Variants in REG4 observed in about 807,000 individuals in gnomAD.
REG4 encodes regenerating islet-derived protein 4.
Under a neutral mutation model 22.3 loss-of-function variants are expected in REG4, and 16 were observed. The observed-to-expected ratio is 0.72, with a 90% CI of 0.49 to 1.09. The LOEUF (loss-of-function observed/expected upper bound fraction) is 1.09. Ranked by LOEUF, REG4 falls within the 50% of genes least tolerant of loss-of-function variation. REG4 has a pLI of 0.00. For synonymous variants in REG4, 71 were observed against 69.2 expected, an observed-to-expected ratio of 1.03 and a Z score of -0.13; for missense variants, 214 against 193.9, an observed-to-expected ratio of 1.10 and a Z score of -0.61.
intron 3 of REG4, chr1:119,801,164 T>C (rs1214215494): frequency 6.6e-6 from 1 of 152,218 alleles, no homozygotes; most frequent in Non-Finnish European, 1.5e-5. Flanking sequence ...GGCAAATGTT[T>C]ATATATATGG....
At chr1:119,795,320 T>C (rs1057054819) in intron 5 of REG4, among the ~76,000 whole-genome samples, 1 of 152,160 alleles carries the variant, frequency 6.6e-6, no homozygotes, top group South Asian at 2.1e-4. Context: ...TGAGGCAGGA[T>C]GCAGTGAGGA....
intron 5 of REG4, among the ~76,000 whole-genome samples, chr1:119,796,464 T>G (rs1465233462): frequency 6.6e-6 from 1 of 152,184 alleles, no homozygotes; most frequent in Non-Finnish European, 1.5e-5. Context: ...TGCTCTGGAA[T>G]TCTTTCTAAA....
intron 3 of REG4, among the ~76,000 whole-genome samples, chr1:119,800,468 C>T (rs1334214377): frequency 6.6e-6 from 1 of 152,150 alleles, no homozygotes; most frequent in African/African-American, 2.4e-5. Context: ...ACACACTGGG[C>T]ACCTCACATT....
chr1:119,806,962 C>T (rs1654339543), intron 2 of REG4, among the ~76,000 whole-genome samples: 1 of 152,164 alleles, frequency 6.6e-6, no homozygotes, highest in Admixed American at 6.5e-5. Flanking sequence ...AGCACAGAGC[C>T]TAGTGTATAG....
Position 119,808,810 on chromosome 1 carries a change from A to G in REG4, c.-41T>C, listed in dbSNP as rs764286101. Reference sequence around the variant, plus strand: ...AGGATGTAGCTAGTGCAAGGATCTCAGAGACCTTACTAGCGCTTCTTTGAA... The same window carrying G: ...AGGATGTAGCTAGTGCAAGGATCTCGGAGACCTTACTAGCGCTTCTTTGAA... On this transcript the variant is annotated 5_prime_UTR_variant, in exon 2 of 6. Transcript: ENST00000256585. 4.1e-6 allele frequency: 6 copies of G among 1,469,662 alleles called. No homozygotes were observed. The highest frequency in any genetic ancestry group is 5.7e-6 in the Non-Finnish European group (6 of 1,050,808). 91.0% of individuals were successfully genotyped at this position (1,469,662 alleles called of 1,614,324 possible). A position where few individuals can be genotyped will look rare whatever the true frequency, so the allele number is the denominator to read the frequency against.
chr1:119,797,347 G>A (rs1653963488), intron 5 of REG4, among the ~76,000 whole-genome samples: 1 of 152,192 alleles, frequency 6.6e-6, no homozygotes, highest in African/African-American at 2.4e-5. Context: ...CTCTATGGCT[G>A]TTTATCTCTG....
chr1:119,800,216 G>A (rs587752882), intron 3 of REG4, among the ~76,000 whole-genome samples: 1 of 152,184 alleles, frequency 6.6e-6, no homozygotes, highest in African/African-American at 2.4e-5. Context: ...CCTAGGACCT[G>A]TCATGAGGCC....
At chr1:119,798,899 T>C (rs587689990) in intron 4 of REG4, among the ~76,000 whole-genome samples, 25 of 152,106 alleles carry the variant, frequency 1.6e-4, no homozygotes, top group Non-Finnish European at 3.1e-4. Flanking sequence ...GTCAAATAAA[T>C]GACATTAAAA....
Position 119,808,746 on chromosome 1 carries a change from C to T in REG4, c.24G>A (p.Leu8=), listed in dbSNP as rs1312119103. The part of the protein sequence containing the change: MASRSMR[L]LLLLSCLAKT... Reference sequence around the variant, plus strand: ...TGGCCAGGCAGCTCAGCAATAGGAGCAGCCGCATGCTTCTGGAAGCCATCT... The same window carrying T: ...TGGCCAGGCAGCTCAGCAATAGGAGTAGCCGCATGCTTCTGGAAGCCATCT... Residue 8 remains leucine, a synonymous_variant, in exon 2 of 6, where the codon CTG becomes CTA. Coordinates refer to ENST00000256585, the MANE Select transcript of REG4 (RefSeq NM_032044.4). The T allele has an allele frequency of 3.7e-5, 59 of 1,613,826 alleles. No individual in the cohort carries two copies. Among genetic ancestry groups the T allele is most frequent in the Non-Finnish European group, 4.9e-5 (58 of 1,179,868 alleles).
intron 2 of REG4, among the ~76,000 whole-genome samples, chr1:119,807,505 G>T (rs1185296826): frequency 6.6e-6 from 1 of 152,176 alleles, no homozygotes; most frequent in East Asian, 1.9e-4. Flanking sequence ...CAAATTTCAA[G>T]TTTCACTAAG....
At chr1:119,807,917 C>T (rs1444441339) in intron 2 of REG4, among the ~76,000 whole-genome samples, 2 of 152,212 alleles carry the variant, frequency 1.3e-5, no homozygotes, top group Non-Finnish European at 2.9e-5. Context: ...AAGCCCTCTT[C>T]TCAACAGAGG....
chr1:119,798,469 T>C, intron 5 of REG4, 28 bp downstream of exon 5: 2 of 1,553,742 alleles, frequency 1.3e-6, no homozygotes, highest in Non-Finnish European at 8.9e-7. Flanking sequence ...CATTGGGAAG[T>C]GGTGAGGGGT....
rs12093302 is a variant in REG4, at chr1:119,798,480, G to T, written c.409+17C>A. 2.7e-3 allele frequency: 4,337 copies of T among 1,589,500 alleles called. 125 individuals are homozygous for T. The African/African-American group carries it at 0.05, about 18-fold the overall frequency. Reference sequence around the variant, plus strand: ...TGCGCATTGGGAAGTGGTGAGGGGTGGTGCATTATAACTTACTGTTATTGG... The same window carrying T: ...TGCGCATTGGGAAGTGGTGAGGGGTTGTGCATTATAACTTACTGTTATTGG... On this transcript the variant is annotated intron_variant, in intron 5 of 5. Coordinates refer to ENST00000256585, the MANE Select transcript of REG4 (RefSeq NM_032044.4).
At chr1:119,799,922 TCAGAACGCTAGC>T (rs1654047926) in intron 3 of REG4, 60 bp from the exon 4 acceptor site, 1 of 1,592,022 alleles carries the variant, frequency 6.3e-7, no homozygotes, top group Non-Finnish European at 8.6e-7. Context: ...AGCCCTCCCC[TCAGAACGCTAGC>T]GTGCCAAGAA....
rs1342664225 is a variant in REG4 at position 119,803,172 on chromosome 1, A to G, written c.68-7T>C. On this transcript the variant is annotated splice_region_variant and splice_polypyrimidine_tract_variant and intron_variant, in intron 2 of 5. Coordinates refer to ENST00000256585, the MANE Select transcript of REG4 (RefSeq NM_032044.4). Reference sequence around the variant, plus strand: ...CTGGGTCTCATGATGATATCTGCACATAAACAAAAGGCAATTGCACATTAT... The same window carrying G: ...CTGGGTCTCATGATGATATCTGCACGTAAACAAAAGGCAATTGCACATTAT... 2 of 1,509,500 alleles carry G rather than the reference A, an allele frequency of 1.3e-6. No individual in the cohort carries two copies. The highest frequency in any genetic ancestry group is 2.8e-5 in the African/African-American group (2 of 71,558). 93.5% of individuals were successfully genotyped at this position (1,509,500 alleles called of 1,614,324 possible). A position where few individuals can be genotyped will look rare whatever the true frequency, so the allele number is the denominator to read the frequency against.
rs755245530 is a variant in REG4, at chr1:119,806,067, G to A, written c.67+2636C>T. The stretch of plus-strand genomic sequence containing the variant: ...CCACCTCAGCCTCCTGAGTAGCTGG[G>A]ACTACAGGCGAGCACCACTGTACCA... On this transcript the variant is annotated intron_variant, in intron 2 of 5. Transcript: ENST00000256585. Among the ~76,000 whole-genome samples the A allele has an allele frequency of 1.2e-3, 183 of 152,272 alleles. 4 individuals are homozygous for A. The highest frequency in any genetic ancestry group is 3.8e-4 in the Non-Finnish European group (26 of 68,020).
intron 1 of REG4, among the ~76,000 whole-genome samples, chr1:119,809,808 G>T (rs587603978): frequency 6.6e-6 from 1 of 152,278 alleles, no homozygotes; most frequent in South Asian, 2.1e-4. Flanking sequence ...GCACTAAAAG[G>T]ATTGGTTCCC....
chr1:119,799,682 C>T, intron 4 of REG4, 43 bp downstream of exon 4: 1 of 1,598,912 alleles, frequency 6.3e-7, no homozygotes, highest in Non-Finnish European at 8.5e-7. Flanking sequence ...GGATGCCAGC[C>T]TGGCTTTCCC....
intron 5 of REG4, among the ~76,000 whole-genome samples, chr1:119,795,561 A>G (rs1444264340): frequency 6.6e-6 from 1 of 152,186 alleles, no homozygotes; most frequent in Non-Finnish European, 1.5e-5. Flanking sequence ...CTTGTCTTCC[A>G]TGGGTGTCTG....
Sources: allele counts gnomAD v4.1 joint callset (sites outside exome capture counted in the v4.1 genomes callset), GRCh38; gene constraint gnomAD v4.1.1; transcripts MANE v1.5; gene names NCBI Gene and HGNC (gene_info 2026-07-23, HGNC 2026-07-21).